The following TECPR1 variants were observed in gnomAD, a reference collection of about 807,000 sequenced individuals.
The protein encoded by TECPR1 is tectonin beta-propeller repeat-containing protein 1.
TECPR1 carries 122 observed loss-of-function variants against 162.4 expected under a neutral mutation model. The ratio of observed to expected loss-of-function variants is 0.75; its 90% confidence interval spans 0.65 to 0.87. The LOEUF is 0.87. TECPR1 is among the 40% of genes least tolerant of loss of function. The probability of loss-of-function intolerance (pLI) is 0.00; values close to 1 mark genes in which losing one functional copy is unlikely to be tolerated. For synonymous variants in TECPR1, 642 were observed against 670.6 expected (o/e 0.96, Z 0.66); for missense variants, 1,432 against 1,618.2 (o/e 0.88, Z 1.97).
Position 98,233,831 on chromosome 7 carries a change from T to G in TECPR1, c.1262A>C (p.Glu421Ala). Reference sequence around the variant, plus strand: ...GAGAATCTGGCCAGGCCCTGGTCTCTCGACTTCCGAGGAGGCATCGGTGTC... The same window carrying G: ...GAGAATCTGGCCAGGCCCTGGTCTCGCGACTTCCGAGGAGGCATCGGTGTC... The part of the protein sequence containing the change: ...PSDTDASSEV[E>A]RPGPGQILPA... Residue 421 changes from glutamate to alanine, a missense_variant, in exon 11 of 26, where the codon GAG becomes GCG. By Grantham distance (107) the Glu-to-Ala change is moderately radical (BLOSUM62 -1). Transcript: ENST00000447648. 2 of 1,594,824 alleles carry G rather than the reference T, an allele frequency of 1.3e-6. No homozygotes were observed. The highest frequency in any genetic ancestry group is 1.7e-6 in the Non-Finnish European group (2 of 1,171,180).
chr7:98,236,751 T>A (rs749487125), intron 10 of TECPR1, 25 bp downstream of exon 10: 32 of 1,587,874 alleles, frequency 2.0e-5, no homozygotes, highest in Middle Eastern at 1.7e-4. Context: ...GCCTGACTCC[T>A]GCGCACCCTG....
At chr7:98,250,067 C>A (rs750780830) in intron 2 of TECPR1, among the ~76,000 whole-genome samples, 2 of 152,190 alleles carry the variant, frequency 1.3e-5, no homozygotes, top group Non-Finnish European at 2.9e-5. Context: ...ACTGCCAACT[C>A]CCTGATCTAA....
rs760404483 is a variant in TECPR1 at position 98,233,481 on chromosome 7, A to G, written c.1612T>C (p.Ser538Pro). 4.0e-6 allele frequency: 6 copies of G among 1,489,634 alleles called. No homozygotes were observed. The highest frequency in any genetic ancestry group is 5.3e-6 in the Non-Finnish European group (6 of 1,122,312). The allele number at this position is 1,489,634 out of a possible 1,614,324, so 92.3% of individuals were successfully genotyped here. A position where few individuals can be genotyped will look rare whatever the true frequency, so the allele number is the denominator to read the frequency against. ...GCCTCCACCACGCAGCCGCCTCCCGACACCCAGGCCCACAGCGGGTGGTCA... is the reference window on the plus strand; with the variant it reads ...GCCTCCACCACGCAGCCGCCTCCCGGCACCCAGGCCCACAGCGGGTGGTCA... ...VDDHPLWAWVSGGGCVVEACA... is the reference protein window; with the variant it reads ...VDDHPLWAWVPGGGCVVEACA... Residue 538 changes from serine (S) to proline (P), a missense_variant, in exon 11 of 26, where the codon TCG (serine) becomes CCG (proline). Transcript: ENST00000447648.
At chr7:98,246,223 C>T in intron 2 of TECPR1, 58 bp from the exon 3 acceptor site, 2 of 1,048,754 alleles carry the variant, frequency 1.9e-6, no homozygotes, top group Non-Finnish European at 2.8e-6. Context: ...ACATCAGAGT[C>T]ATGTGAAACC....
rs1798755812 is a variant in TECPR1, at chr7:98,241,759, C to A, written c.658-515G>T. On this transcript the variant is annotated intron_variant, in intron 6 of 25. Coordinates refer to ENST00000447648, the MANE Select transcript of TECPR1 (RefSeq NM_015395.3). This position sits in a 1 kb window ranked among gnomAD's most constrained non-coding sequence, Gnocchi z 5.0. The stretch of plus-strand genomic sequence containing the variant: ...GATCCAGAAAGGGCAAGGGACCCTC[C>A]CCATAGGGCTGTCTTCAGACAGGGG... Among the ~76,000 whole-genome samples, 1 of 152,168 alleles carries A rather than the reference C, an allele frequency of 6.6e-6. No homozygotes were observed. Among genetic ancestry groups the A allele is most frequent in the Non-Finnish European group, 1.5e-5 (1 of 68,012 alleles).
chr7:98,241,426 G>T lies in TECPR1; in HGVS notation c.658-182C>A, dbSNP rs1216025528. Among the ~76,000 whole-genome samples the T allele has an allele frequency of 6.6e-6, 1 of 152,072 alleles. No homozygotes were observed. Among genetic ancestry groups the T allele is most frequent in the African/African-American group, 2.4e-5 (1 of 41,412 alleles). On this transcript the variant is annotated intron_variant, in intron 6 of 25. Coordinates refer to ENST00000447648, the MANE Select transcript of TECPR1 (RefSeq NM_015395.3). This position sits in a 1 kb window ranked among gnomAD's most constrained non-coding sequence, Gnocchi z 5.0. ...TCCGGTGGTCCTGAGGGATACACTTGTTCCATTCATCTGTTTGGGGTGATG... is the reference window on the plus strand; with the variant it reads ...TCCGGTGGTCCTGAGGGATACACTTTTTCCATTCATCTGTTTGGGGTGATG...
At chr7:98,231,446 G>C in intron 13 of TECPR1, 73 bp from the exon 14 acceptor site, 1 of 1,492,320 alleles carries the variant, frequency 6.7e-7, no homozygotes, top group East Asian at 2.5e-5. Flanking sequence ...CCCCCACTGT[G>C]CTTCACCCTG....
In TECPR1 at chr7:98,224,996, G is replaced by A. The variant is rs373463840; in HGVS notation, c.2610+10C>T. ...GATTCCCAACCCCCCAGGGGGCAGCGGGACCTCACCCAGGCCCACTGCAGG... is the reference window on the plus strand; with the variant it reads ...GATTCCCAACCCCCCAGGGGGCAGCAGGACCTCACCCAGGCCCACTGCAGG... On this transcript the variant is annotated intron_variant, in intron 18 of 25. Transcript: ENST00000447648. 78 of 1,544,994 alleles carry A rather than the reference G, an allele frequency of 5.0e-5. No homozygotes were observed. The highest frequency in any genetic ancestry group is 2.3e-4 in the Admixed American group (11 of 48,692).
rs1584351864 is a variant in TECPR1 at position 98,241,142 on chromosome 7, C to T, written c.760G>A (p.Asp254Asn). 2 of 1,612,702 alleles carry T rather than the reference C, an allele frequency of 1.2e-6. No individual in the cohort carries two copies. Among genetic ancestry groups the T allele is most frequent in the Non-Finnish European group, 1.7e-6 (2 of 1,179,748 alleles). Residue 254 changes from aspartate to asparagine, a missense_variant, in exon 7 of 26, where the codon GAC becomes AAC. By Grantham distance (23) the Asp-to-Asn change is conservative (BLOSUM62 1). Transcript: ENST00000447648. This position sits in a 1 kb window ranked among gnomAD's most constrained non-coding sequence, Gnocchi z 5.0. ...EVVQISCGPH[D>N]LLWATLWEGQ... Reference sequence around the variant, plus strand: ...TCCCAGAGTGTGGCCCACAGGAGGTCGTGGGGCCCACAGCTGATCTGAACC... The same window carrying T: ...TCCCAGAGTGTGGCCCACAGGAGGTTGTGGGGCCCACAGCTGATCTGAACC...
At chr7:98,250,512 C>T (rs2116646006) in intron 2 of TECPR1, among the ~76,000 whole-genome samples, 1 of 152,184 alleles carries the variant, frequency 6.6e-6, no homozygotes, top group Non-Finnish European at 1.5e-5. Context: ...GTGGCACATG[C>T]CTGTGATCCT....
At chr7:98,223,444 T>C (rs1438940528) in intron 20 of TECPR1, among the ~76,000 whole-genome samples, 1 of 151,410 alleles carries the variant, frequency 6.6e-6, no homozygotes, top group Non-Finnish European at 1.5e-5. Context: ...AAACAAACTA[T>C]TCTGAAACCA....
At chr7:98,238,661 C>G (rs371433144) in intron 8 of TECPR1, 51 bp from the exon 9 acceptor site, 1 of 1,460,806 alleles carries the variant, frequency 6.8e-7, no homozygotes. Context: ...CTGAAACAGA[C>G]GGTTCGTTCG....
At chr7:98,220,691 T>C (rs145867207) in intron 23 of TECPR1, among the ~76,000 whole-genome samples, 1 of 152,154 alleles carries the variant, frequency 6.6e-6, no homozygotes, top group African/African-American at 2.4e-5. Flanking sequence ...CCCGATTAGC[T>C]TGGACTACAG....
At position 98,231,247 on chromosome 7, in the gene TECPR1, T is replaced by A. The variant is rs376748328; in HGVS notation, c.2101A>T (p.Thr701Ser). ...QRWPVRLAAA[T>S]EQDMNDWLAL... ...ACCCAGTCATTCATGTCCTGCTCGG[T>A]GGCAGCAGCCAGACGCACCGGCCAC... The change falls in exon 14 of 26, where the codon ACC becomes TCC. Residue 701 changes from threonine (T) to serine (S), a missense_variant. Physicochemically the swap from Thr to Ser is moderately conservative, Grantham distance 58. Coordinates refer to ENST00000447648, the MANE Select transcript of TECPR1 (RefSeq NM_015395.3). The A allele has an allele frequency of 3.8e-5, 61 of 1,612,698 alleles. No individual in the cohort carries two copies. Among genetic ancestry groups the A allele is most frequent in the Non-Finnish European group, 5.2e-5 (61 of 1,179,758 alleles).
At chr7:98,222,872 C>G in intron 21 of TECPR1, 118 bp downstream of exon 21, 2 of 1,356,174 alleles carry the variant, frequency 1.5e-6, no homozygotes, top group South Asian at 2.5e-5. Flanking sequence ...GGGACCCACT[C>G]GGACCACAGG....
In TECPR1 at chr7:98,231,923, A is replaced by G. The variant is rs777485307; in HGVS notation, c.1855T>C (p.Cys619Arg). The G allele has an allele frequency of 6.2e-7, 1 of 1,609,156 alleles. No homozygotes were observed. Among genetic ancestry groups the G allele is most frequent in the South Asian group, 1.1e-5 (1 of 91,064 alleles). ...WVKTGALQWW[C>R]DWKPHKWVDV... ...ACCCACTTGTGGGGCTTCCAGTCGC[A>G]CCACCACTGCAGCGCCCCGGTCTTC... Residue 619 changes from cysteine (C) to arginine (R), a missense_variant, in exon 13 of 26, where the codon TGC (cysteine) becomes CGC (arginine). Transcript: ENST00000447648.
At chr7:98,225,731 G>T (rs1798266601) in intron 17 of TECPR1, among the ~76,000 whole-genome samples, 1 of 152,066 alleles carries the variant, frequency 6.6e-6, no homozygotes, top group African/African-American at 2.4e-5. Context: ...ATAGCTCACT[G>T]CAGCCTCGAA....
intron 10 of TECPR1, among the ~76,000 whole-genome samples, chr7:98,234,677 C>T (rs1318314182): frequency 6.7e-6 from 1 of 149,944 alleles, no homozygotes; most frequent in African/African-American, 2.5e-5. Flanking sequence ...TCCAATTTCT[C>T]CATGTTCTCA....
chr7:98,245,454 T>A (rs116840208), intron 3 of TECPR1, among the ~76,000 whole-genome samples: 1 of 152,100 alleles, frequency 6.6e-6, no homozygotes, highest in Non-Finnish European at 1.5e-5. Flanking sequence ...CTGGATACTA[T>A]GCAACTTGAA....
Sources: allele counts gnomAD v4.1 joint callset (sites outside exome capture counted in the v4.1 genomes callset), GRCh38; gene constraint gnomAD v4.1.1; non-coding constraint Gnocchi (gnomAD v3.1); transcripts MANE v1.5; gene names NCBI Gene and HGNC (gene_info 2026-07-23, HGNC 2026-07-21).